Variants in PABPC4L observed in about 807,000 individuals in gnomAD.
PABPC4L encodes the protein polyadenylate-binding protein 4-like.
For synonymous variants in PABPC4L, 169 were observed against 164.1 expected (o/e 1.03, Z -0.23); for missense variants, 452 against 451.4 (o/e 1.00, Z -0.01).
the PABPC4L span, among the ~76,000 whole-genome samples, chr4:134,080,569 G>A: frequency 6.6e-6 from 1 of 152,244 alleles, no homozygotes; most frequent in East Asian, 1.9e-4. Context: ...TAACTTCAGA[G>A]TGAAAGGTAC....
chr4:134,110,932 C>G, the PABPC4L span, among the ~76,000 whole-genome samples: 3 of 151,900 alleles, frequency 2.0e-5, no homozygotes, highest in Admixed American at 6.6e-5. Flanking sequence ...TATACAAATA[C>G]GTATGTGTAT....
At chr4:134,011,419 C>T in the PABPC4L span, among the ~76,000 whole-genome samples, 2 of 151,976 alleles carry the variant, frequency 1.3e-5, no homozygotes, top group Non-Finnish European at 2.9e-5. Context: ...ATTCTTGAAA[C>T]ATTTTGTAAA....
the PABPC4L span, among the ~76,000 whole-genome samples, chr4:134,042,002 G>A: frequency 1.3e-5 from 2 of 152,276 alleles, no homozygotes; most frequent in South Asian, 4.1e-4. Context: ...GCAAAGATAT[G>A]GAATCAACCC....
the PABPC4L span, among the ~76,000 whole-genome samples, chr4:134,055,345 A>C: frequency 1.3e-5 from 2 of 151,942 alleles, no homozygotes; most frequent in Non-Finnish European, 2.9e-5. Flanking sequence ...TGGTGTCCTC[A>C]TAAGAAGAGG....
the PABPC4L span, among the ~76,000 whole-genome samples, chr4:134,014,910 T>A: frequency 1.3e-5 from 2 of 151,982 alleles, no homozygotes. Context: ...TTTTTAGTTA[T>A]CCCCACCTGC....
At chr4:133,992,216 G>A in the PABPC4L span, among the ~76,000 whole-genome samples, 4 of 152,150 alleles carry the variant, frequency 2.6e-5, no homozygotes, top group East Asian at 3.9e-4. Context: ...ATGGCAGTGG[G>A]AGTCTAAGAT....
the PABPC4L span, among the ~76,000 whole-genome samples, chr4:134,136,286 T>C: frequency 2.6e-5 from 4 of 152,150 alleles, no homozygotes; most frequent in Non-Finnish European, 5.9e-5. Context: ...TTCAGTCTAT[T>C]TTATTCCTGC....
At chr4:134,194,002 G>A (rs1402935624), downstream of PABPC4L, among the ~76,000 whole-genome samples, 4 of 151,794 alleles carry the variant, frequency 2.6e-5, no homozygotes, top group Admixed American at 6.6e-5. Context: ...CTTTTCAGGC[G>A]ATATATTGGC....
the PABPC4L span, among the ~76,000 whole-genome samples, chr4:134,005,443 A>T: frequency 6.6e-6 from 1 of 151,896 alleles, no homozygotes; most frequent in Non-Finnish European, 1.5e-5. Flanking sequence ...ACTTTACAAG[A>T]TCATTCTTTG....
chr4:134,127,628 G>A, the PABPC4L span, among the ~76,000 whole-genome samples: 14 of 152,058 alleles, frequency 9.2e-5, no homozygotes, highest in Middle Eastern at 3.2e-3. Context: ...AAGAGCACCC[G>A]TGGGACAAAA....
the PABPC4L span, among the ~76,000 whole-genome samples, chr4:133,966,310 AGTAGAT>A: frequency 6.6e-6 from 1 of 152,206 alleles, no homozygotes; most frequent in Admixed American, 6.5e-5. Context: ...ATCAAAAAAC[AGTAGAT>A]GTTGGTCTGG....
the PABPC4L span, among the ~76,000 whole-genome samples, chr4:134,019,920 C>T: frequency 6.6e-6 from 1 of 152,116 alleles, no homozygotes; most frequent in Non-Finnish European, 1.5e-5. Flanking sequence ...AAATGTTTGA[C>T]TTAGAGATGA....
At chr4:133,996,644 A>G in the PABPC4L span, among the ~76,000 whole-genome samples, 1 of 152,114 alleles carries the variant, frequency 6.6e-6, no homozygotes, top group Non-Finnish European at 1.5e-5. Flanking sequence ...CACACAGGGC[A>G]CCACCTGCCT....
the PABPC4L span, among the ~76,000 whole-genome samples, chr4:134,157,161 C>T: frequency 8.6e-5 from 13 of 151,174 alleles, no homozygotes; most frequent in Non-Finnish European, 1.3e-4. Context: ...AGTTTGATCC[C>T]GGGGTTGTTT....
chr4:133,971,539 C>G, the PABPC4L span, among the ~76,000 whole-genome samples: 1 of 152,204 alleles, frequency 6.6e-6, no homozygotes. Flanking sequence ...CCTCCAGTTT[C>G]TCTTTGTCAA....
At chr4:134,118,994 A>G in the PABPC4L span, among the ~76,000 whole-genome samples, 1 of 151,948 alleles carries the variant, frequency 6.6e-6, no homozygotes, top group Non-Finnish European at 1.5e-5. Flanking sequence ...ATTCCTCACA[A>G]TTAAGGTACT....
the PABPC4L span, among the ~76,000 whole-genome samples, chr4:134,132,057 A>G: frequency 6.6e-6 from 1 of 152,202 alleles, no homozygotes; most frequent in Non-Finnish European, 1.5e-5. Flanking sequence ...TTGTACAAAA[A>G]TAAGCTCAAG....
the PABPC4L span, among the ~76,000 whole-genome samples, chr4:134,078,652 T>TA: frequency 5.1e-4 from 3 of 5,934 alleles, no homozygotes; most frequent in African/African-American, 6.7e-3. Context: ...GTTTTGTAGC[T>TA]TTTTTTTTTT....
chr4:133,971,552 C>A, the PABPC4L span, among the ~76,000 whole-genome samples: 1 of 152,142 alleles, frequency 6.6e-6, no homozygotes, highest in Non-Finnish European at 1.5e-5. Flanking sequence ...TTTGTCAATG[C>A]AGCCAAAGTA....
Sources: allele counts gnomAD v4.1 joint callset (sites outside exome capture counted in the v4.1 genomes callset), GRCh38; gene constraint gnomAD v4.1.1; transcripts MANE v1.5; gene names NCBI Gene and HGNC (gene_info 2026-07-23, HGNC 2026-07-21).